Variants in HPSE2 observed in about 807,000 individuals in gnomAD.
HPSE2 encodes the protein inactive heparanase-2.
A neutral mutation model predicts 60.5 loss-of-function variants in HPSE2; 38 were observed. The ratio of observed to expected loss-of-function variants is 0.63; its 90% CI spans 0.48 to 0.82. HPSE2 has a LOEUF of 0.82. Ranked by LOEUF, HPSE2 falls within the 40% of genes least tolerant of loss-of-function variation. The pLI, the probability that HPSE2 is intolerant of heterozygous loss-of-function variation, is 0.00. For synonymous variants in HPSE2, 295 were observed against 293.2 expected (o/e 1.01, Z -0.06); for missense variants, 713 against 740.4 (o/e 0.96, Z 0.43).
At chr10:99,024,196 T>C (rs945643998) in intron 3 of HPSE2, among the ~76,000 whole-genome samples, 9 of 152,064 alleles carry the variant, frequency 5.9e-5, no homozygotes, top group African/African-American at 9.7e-5. Context: ...AAAAATGCAA[T>C]TGGTATACTG....
chr10:98,755,106 ACTATATGCTGT>A (rs972865931), intron 3 of HPSE2, among the ~76,000 whole-genome samples: 4 of 152,088 alleles, frequency 2.6e-5, no homozygotes, highest in Non-Finnish European at 5.9e-5. Flanking sequence ...GCAAGACCCA[ACTATATGCTGT>A]ATTCAGGAGA....
At chr10:99,093,742 T>G (rs1034476647) in intron 3 of HPSE2, among the ~76,000 whole-genome samples, 17 of 152,196 alleles carry the variant, frequency 1.1e-4, no homozygotes, top group Admixed American at 5.2e-4. Flanking sequence ...TTCCCAACAT[T>G]GTTGCATCGG....
intron 3 of HPSE2, among the ~76,000 whole-genome samples, chr10:98,805,807 G>A (rs1477403147): frequency 1.3e-5 from 2 of 152,118 alleles, no homozygotes; most frequent in Non-Finnish European, 2.9e-5. Context: ...GCAAATGCAA[G>A]ATTTCCAAAA....
intron 3 of HPSE2, among the ~76,000 whole-genome samples, chr10:98,994,712 T>C (rs1192474297): frequency 2.0e-5 from 3 of 152,176 alleles, no homozygotes; most frequent in Middle Eastern, 3.4e-3. Flanking sequence ...CCAGAGACGG[T>C]GGGTTCCCTC....
At chr10:99,154,926 A>G (rs1170093609) in intron 2 of HPSE2, among the ~76,000 whole-genome samples, 2 of 151,898 alleles carry the variant, frequency 1.3e-5, no homozygotes, top group African/African-American at 4.8e-5. Flanking sequence ...AGCAAATGGA[A>G]AACAAAAAAA....
chr10:98,991,472 G>T (rs1356078637), intron 3 of HPSE2, among the ~76,000 whole-genome samples: 4 of 152,150 alleles, frequency 2.6e-5, no homozygotes, highest in African/African-American at 9.7e-5. Context: ...TAACAAATAA[G>T]AGAGTAGGAG....
At chr10:98,594,631 G>A (rs139774282) in intron 9 of HPSE2, among the ~76,000 whole-genome samples, 1 of 152,012 alleles carries the variant, frequency 6.6e-6, no homozygotes, top group African/African-American at 2.4e-5. Flanking sequence ...CAAATGACAG[G>A]ATTCCCTTCT....
intron 2 of HPSE2, among the ~76,000 whole-genome samples, chr10:99,231,501 T>C (rs947611611): frequency 6.6e-6 from 1 of 152,208 alleles, no homozygotes; most frequent in Non-Finnish European, 1.5e-5. Context: ...AGTTCATAGA[T>C]GTTAACACCT....
At chr10:98,884,477 G>T (rs761390018) in intron 3 of HPSE2, among the ~76,000 whole-genome samples, 4 of 152,102 alleles carry the variant, frequency 2.6e-5, no homozygotes, top group Non-Finnish European at 4.4e-5. Flanking sequence ...TGATTCTCTC[G>T]TTAGGGGCTA....
At position 98,744,009 on chromosome 10, in the gene HPSE2, G is replaced by T; in HGVS notation, c.658C>A (p.His220Asn). 6.2e-7 allele frequency: 1 copy of T among 1,614,110 alleles called. No homozygotes were observed. Residue 220 changes from histidine to asparagine, a missense_variant, in exon 4 of 12, where the codon CAC (histidine) becomes AAC (asparagine). His to Asn is a moderately conservative substitution (Grantham distance 68). Coordinates refer to ENST00000370552, the MANE Select transcript of HPSE2 (RefSeq NM_021828.5). ...AGTGCATTTAGAGCAAATATCAGGT[G>T]GAGTCCAGAGCAATCAGCAAAGTTA... ...LYNFADCSGL[H>N]LIFALNALRR...
chr10:99,220,748 A>G (rs1849281153), intron 2 of HPSE2, among the ~76,000 whole-genome samples: 1 of 147,462 alleles, frequency 6.8e-6, no homozygotes, highest in South Asian at 2.3e-4. Context: ...GGTTGCAGTG[A>G]GCTGAGACTG....
chr10:98,768,592 G>A lies in HPSE2; in HGVS notation c.611-24536C>T, dbSNP rs958768406. Among the ~76,000 whole-genome samples, 7 of 152,152 alleles carry A rather than the reference G, an allele frequency of 4.6e-5. No individual in the cohort carries two copies. The South Asian group carries it at 6.2e-4, about 13-fold the overall frequency. On this transcript the variant is annotated intron_variant, in intron 3 of 11. Transcript: ENST00000370552. ...GTACCCAGCACAGAGTGGTTACTAAGTACATGTTTACTGTTTGTTTTATTT... is the reference window on the plus strand; with the variant it reads ...GTACCCAGCACAGAGTGGTTACTAAATACATGTTTACTGTTTGTTTTATTT...
In HPSE2 at chr10:98,589,193, C is replaced by T. The variant is rs530606471; in HGVS notation, c.1320+25711G>A. Among the ~76,000 whole-genome samples, 3 of 152,306 alleles carry T rather than the reference C, an allele frequency of 2.0e-5. 1 individual carries two copies. In the South Asian group the frequency reaches 6.2e-4, roughly 32 times the overall value. The stretch of plus-strand genomic sequence containing the variant: ...TGACACAGCAGGATTGGAACTCAGG[C>T]GCACAATCCCATGCATTGTATAATC... On this transcript the variant is annotated intron_variant, in intron 9 of 11. Coordinates refer to ENST00000370552, the MANE Select transcript of HPSE2 (RefSeq NM_021828.5).
chr10:98,819,504 A>ATC (rs1951373628), intron 3 of HPSE2, among the ~76,000 whole-genome samples: 1 of 149,372 alleles, frequency 6.7e-6, no homozygotes, highest in Non-Finnish European at 1.5e-5. Flanking sequence ...TCATGTGGCC[A>ATC]TTACCTTTTC....
intron 5 of HPSE2, among the ~76,000 whole-genome samples, chr10:98,696,292 T>TAAAAAA (rs71009706): frequency 2.0e-4 from 18 of 89,658 alleles, no homozygotes; most frequent in African/African-American, 7.4e-4. Context: ...GAGGCTCCCA[T>TAAAAAA]AAAAAAAAAA....
At chr10:98,994,052 A>G (rs1426210119) in intron 3 of HPSE2, among the ~76,000 whole-genome samples, 2 of 152,194 alleles carry the variant, frequency 1.3e-5, no homozygotes, top group East Asian at 3.9e-4. Flanking sequence ...CCAGAATAGC[A>G]CAGAAATTAA....
chr10:99,005,387 G>T (rs1345567740), intron 3 of HPSE2, among the ~76,000 whole-genome samples: 2 of 151,732 alleles, frequency 1.3e-5, no homozygotes, highest in Non-Finnish European at 2.9e-5. Flanking sequence ...CAAATAATCT[G>T]TCTTCAAGTT....
intron 6 of HPSE2, among the ~76,000 whole-genome samples, chr10:98,684,594 T>G (rs1219966817): frequency 6.6e-6 from 1 of 152,100 alleles, no homozygotes; most frequent in Non-Finnish European, 1.5e-5. Context: ...GAGAAAAGTA[T>G]GTAAATAAGT....
In HPSE2 at chr10:98,517,199, T is replaced by TG. The variant is rs1554926104; in HGVS notation, c.1321-27004dup. ...TGGCAATTCTCTGTTGGGTGTGGGG[T>TG]GGGGGGGGCGAGGCGAGGGGGTGCA... On this transcript the variant is annotated intron_variant, in intron 9 of 11. Coordinates refer to ENST00000370552, the MANE Select transcript of HPSE2 (RefSeq NM_021828.5). Among the ~76,000 whole-genome samples, 795 of 113,670 alleles carry TG rather than the reference T, an allele frequency of 7.0e-3. 7 individuals are homozygous for TG. Among genetic ancestry groups the TG allele is most frequent in the African/African-American group, 0.024 (717 of 29,410 alleles). The allele number at this position is 113,670 out of a possible 152,430, so 74.6% of individuals were successfully genotyped here.
Sources: allele counts gnomAD v4.1 joint callset (sites outside exome capture counted in the v4.1 genomes callset), GRCh38; gene constraint gnomAD v4.1.1; transcripts MANE v1.5; gene names NCBI Gene and HGNC (gene_info 2026-07-23, HGNC 2026-07-21).